The following CCDC146 variants were observed in gnomAD, a reference collection of about 807,000 sequenced individuals.
CCDC146 encodes the protein coiled-coil domain-containing protein 146.
CCDC146 carries 92 observed loss-of-function variants against 119.3 expected under a neutral mutation model. That is an observed-to-expected ratio of 0.77 (90% CI 0.65 to 0.92). The LOEUF is 0.92. Among genes scored for constraint, CCDC146 ranks in the 40% least tolerant of loss-of-function variants. CCDC146 has a pLI of 0.00. For synonymous variants in CCDC146, 372 were observed against 371.8 expected (o/e 1.00, Z -0.01); for missense variants, 1,000 against 1,103.0 (o/e 0.91, Z 1.32).
rs1461107279 is a variant in CCDC146, at chr7:77,262,279, A to G, written c.1145A>G (p.Gln382Arg). ...KVSWDALRQT[Q>R]ALHQRLLLEM... ...TCCTGGGATGCACTTAGGCAAACTC[A>G]AGCACTGCATCAAAGGCTTCTATTA... The change falls in exon 9 of 19, where the codon CAA (glutamine) becomes CGA (arginine). Residue 382 changes from glutamine to arginine, a missense_variant. Physicochemically the swap from Gln to Arg is conservative, Grantham distance 43 (BLOSUM62 1). Coordinates refer to ENST00000285871, the MANE Select transcript of CCDC146 (RefSeq NM_020879.3). 2 of 1,610,870 alleles carry G rather than the reference A, an allele frequency of 1.2e-6. No individual in the cohort carries two copies. Among genetic ancestry groups the G allele is most frequent in the Admixed American group, 3.4e-5 (2 of 59,408 alleles).
At position 77,196,292 on chromosome 7, in the gene CCDC146, T is replaced by C. The variant is rs758447764; in HGVS notation, c.156+28468T>C. 2 of 1,612,716 alleles carry C rather than the reference T, an allele frequency of 1.2e-6. No individual in the cohort carries two copies. The highest frequency in any genetic ancestry group is 1.7e-6 in the Non-Finnish European group (2 of 1,179,200). On this transcript the variant is annotated intron_variant, in intron 2 of 18. Coordinates refer to ENST00000285871, the MANE Select transcript of CCDC146 (RefSeq NM_020879.3). The surrounding 1 kb of genome is among the most constrained non-coding windows in gnomAD (Gnocchi z 4.2). ...GAACAGAGTGATTTATGGCTTAAAGTGCTTGGGTCTGATCATCATCTTAGC... is the reference window on the plus strand; with the variant it reads ...GAACAGAGTGATTTATGGCTTAAAGCGCTTGGGTCTGATCATCATCTTAGC...
intron 1 of CCDC146, among the ~76,000 whole-genome samples, chr7:77,125,169 G>A (rs1790675512): frequency 6.6e-6 from 1 of 151,806 alleles, no homozygotes; most frequent in African/African-American, 2.4e-5. Context: ...ACTCCAGCCT[G>A]GGCGGCAAGA....
At chr7:77,174,015 C>T (rs1046092330) in intron 2 of CCDC146, among the ~76,000 whole-genome samples, 3 of 152,100 alleles carry the variant, frequency 2.0e-5, no homozygotes, top group African/African-American at 7.2e-5. Context: ...TCTTCTCCCA[C>T]CATATTCTCA....
At chr7:77,286,137 G>A (rs1793843551) in intron 15 of CCDC146, among the ~76,000 whole-genome samples, 1 of 152,212 alleles carries the variant, frequency 6.6e-6, no homozygotes, top group South Asian at 2.1e-4. Context: ...TAGGAAGCAT[G>A]TGCCAGCATC....
At chr7:77,187,187 T>C (rs546257072) in intron 2 of CCDC146, among the ~76,000 whole-genome samples, 2 of 152,142 alleles carry the variant, frequency 1.3e-5, no homozygotes, top group Non-Finnish European at 2.9e-5. Flanking sequence ...AATGAACTTA[T>C]ATAGTTTTGA....
At chr7:77,208,348 T>A (rs544094932) in intron 2 of CCDC146, among the ~76,000 whole-genome samples, 2 of 152,342 alleles carry the variant, frequency 1.3e-5, no homozygotes, top group East Asian at 1.9e-4. Flanking sequence ...TAAACCTAGA[T>A]GGTATAGCCT....
rs923734464 is a variant in CCDC146, at chr7:77,260,193, T to C, written c.943T>C (p.Leu315=). The C allele has an allele frequency of 1.9e-6, 3 of 1,613,890 alleles. No homozygotes were observed. The highest frequency in any genetic ancestry group is 1.3e-5 in the African/African-American group (1 of 74,898). Residue 315 remains leucine, a synonymous_variant, in exon 8 of 19, where the codon TTG becomes CTG. Coordinates refer to ENST00000285871, the MANE Select transcript of CCDC146 (RefSeq NM_020879.3). The part of the protein sequence containing the change: ...EREHNQLVKL[L]ELARENEATS... ...AGAACATAACCAATTGGTCAAGCTA[T>C]TGGAATTAGCCAGAGAGAATGAAGC...
chr7:77,267,275 G>C (rs1793423811), intron 9 of CCDC146, among the ~76,000 whole-genome samples: 1 of 152,108 alleles, frequency 6.6e-6, no homozygotes, highest in East Asian at 1.9e-4. Context: ...TTACAGGTGT[G>C]AGCCATCGCG....
chr7:77,249,486 CAAAAAAA>C (rs36137608), intron 4 of CCDC146, among the ~76,000 whole-genome samples: 1 of 96,752 alleles, frequency 1.0e-5, no homozygotes, highest in Non-Finnish European at 2.1e-5. Context: ...GACTCTGTCT[CAAAAAAA>C]AAAAAAAAAA....
chr7:77,229,041 T>G (rs1289909713), intron 2 of CCDC146, among the ~76,000 whole-genome samples: 1 of 152,206 alleles, frequency 6.6e-6, no homozygotes, highest in African/African-American at 2.4e-5. Context: ...TGGTGTCTCA[T>G]TGTGGTTTTG....
intron 3 of CCDC146, among the ~76,000 whole-genome samples, chr7:77,238,495 C>T (rs546085486): frequency 1.1e-4 from 17 of 152,058 alleles, no homozygotes; most frequent in Non-Finnish European, 2.1e-4. Flanking sequence ...TGGCTCACTG[C>T]AAGCTCCGCC....
chr7:77,153,916 G>A (rs988964158), intron 1 of CCDC146, among the ~76,000 whole-genome samples: 13 of 152,028 alleles, frequency 8.6e-5, no homozygotes, highest in African/African-American at 2.7e-4. Flanking sequence ...ATGCTTTTCA[G>A]TTGGTGAATG....
At chr7:77,195,022 A>C (rs1320834280) in intron 2 of CCDC146, 1 of 152,166 alleles carries the variant, frequency 6.6e-6, no homozygotes, top group Non-Finnish European at 1.5e-5. Context: ...ATATATTTCA[A>C]AATTCATGTT....
chr7:77,174,387 G>A (rs1227540142), intron 2 of CCDC146, among the ~76,000 whole-genome samples: 1 of 152,232 alleles, frequency 6.6e-6, no homozygotes, highest in African/African-American at 2.4e-5. Flanking sequence ...CAGCAGCAGA[G>A]GTTCTGATCC....
At chr7:77,284,088 C>T (rs1396099634) in intron 15 of CCDC146, among the ~76,000 whole-genome samples, 3 of 152,208 alleles carry the variant, frequency 2.0e-5, no homozygotes, top group African/African-American at 7.2e-5. Flanking sequence ...GCCTGTGCCA[C>T]TTCTGTGCCA....
chr7:77,176,607 T>A (rs565138977), intron 2 of CCDC146, among the ~76,000 whole-genome samples: 1 of 152,236 alleles, frequency 6.6e-6, no homozygotes, highest in South Asian at 2.1e-4. Flanking sequence ...GGTAGGTTGT[T>A]GATATAGTAT....
chr7:77,137,236 C>A (rs1790873426), intron 1 of CCDC146, among the ~76,000 whole-genome samples: 1 of 149,342 alleles, frequency 6.7e-6, no homozygotes, highest in Non-Finnish European at 1.5e-5. Context: ...CCTTTTCAAC[C>A]CTGTGCTGGA....
intron 17 of CCDC146, 31 bp from the exon 18 acceptor site, chr7:77,292,921 A>G: frequency 1.2e-6 from 2 of 1,607,526 alleles, no homozygotes; most frequent in African/African-American, 1.3e-5. Context: ...GACTGTATAC[A>G]TAGACTAAGC....
chr7:77,137,981 G>A (rs374800579), intron 1 of CCDC146, among the ~76,000 whole-genome samples: 23 of 151,726 alleles, frequency 1.5e-4, no homozygotes, highest in East Asian at 5.8e-4. Flanking sequence ...TCAGATCACA[G>A]TATTGCTGGT....
Sources: gnomAD v4.1 joint callset for allele counts (sites outside exome capture counted in the v4.1 genomes callset) on GRCh38, gnomAD v4.1.1 for gene constraint, Gnocchi (gnomAD v3.1) non-coding constraint, MANE v1.5 for transcripts, NCBI Gene and HGNC (gene_info 2026-07-23, HGNC 2026-07-21) for gene names.